Variants in TRDN observed in about 807,000 individuals in gnomAD.
TRDN encodes triadin in skeletal muscle.
In TRDN, 161 loss-of-function variants were observed where a neutral mutation model predicts 149.7. The ratio of observed to expected loss-of-function variants is 1.08; its 90% CI spans 0.95 to 1.23. The LOEUF is 1.23. Among genes scored for constraint, TRDN ranks in the 50% most tolerant of loss-of-function variants. The pLI, the probability that TRDN is intolerant of heterozygous loss-of-function variation, is 0.00. For missense variants in TRDN, 896 were observed against 823.5 expected, an observed-to-expected ratio of 1.09 and a Z score of -1.08; for synonymous variants, 294 against 250.5, an observed-to-expected ratio of 1.17 and a Z score of -1.64.
chr6:123,478,665 A>C (rs1253726378), intron 9 of TRDN, among the ~76,000 whole-genome samples: 1 of 152,190 alleles, frequency 6.6e-6, no homozygotes, highest in African/African-American at 2.4e-5. Flanking sequence ...TAAAAATAAT[A>C]AATCTATTTA....
At chr6:123,602,581 A>G (rs1176833186) in intron 1 of TRDN, among the ~76,000 whole-genome samples, 2 of 152,080 alleles carry the variant, frequency 1.3e-5, no homozygotes, top group Admixed American at 6.6e-5. Context: ...TTATTGAAAT[A>G]AAACTAAAAA....
At chr6:123,225,323 G>T (rs1775314270) in intron 38 of TRDN, among the ~76,000 whole-genome samples, 1 of 151,554 alleles carries the variant, frequency 6.6e-6, no homozygotes, top group Admixed American at 6.6e-5. Flanking sequence ...GCAGTATGGA[G>T]GTTCCTCAAA....
chr6:123,352,648 A>C (rs1478400246), intron 20 of TRDN, 62 bp from the exon 21 acceptor site: 1 of 1,552,098 alleles, frequency 6.4e-7, no homozygotes, highest in Non-Finnish European at 8.6e-7. Context: ...TCTGCTCAAA[A>C]AAAGCATTTT....
At chr6:123,339,250 T>A in intron 21 of TRDN, among the ~76,000 whole-genome samples, 1 of 151,912 alleles carries the variant, frequency 6.6e-6, no homozygotes, top group East Asian at 1.9e-4. Flanking sequence ...AGTGATCTGC[T>A]GAACTCGGTC....
At chr6:123,555,545 G>A (rs1772237127) in intron 2 of TRDN, among the ~76,000 whole-genome samples, 2 of 152,020 alleles carry the variant, frequency 1.3e-5, no homozygotes, top group African/African-American at 4.8e-5. Flanking sequence ...AATGCAGGAA[G>A]GATGGCTATA....
intron 4 of TRDN, among the ~76,000 whole-genome samples, chr6:123,540,896 T>C (rs1218032140): frequency 1.3e-5 from 2 of 152,220 alleles, no homozygotes; most frequent in Non-Finnish European, 2.9e-5. Context: ...TTGAGAACCA[T>C]TGGTAAGCTT....
intron 38 of TRDN, among the ~76,000 whole-genome samples, chr6:123,226,870 G>T (rs1274776612): frequency 6.6e-6 from 1 of 151,802 alleles, no homozygotes; most frequent in Admixed American, 6.6e-5. Flanking sequence ...TGCTTTGTCG[G>T]ACTGTCAGGA....
chr6:123,431,976 T>C (rs1562309914), intron 12 of TRDN, among the ~76,000 whole-genome samples: 1 of 152,050 alleles, frequency 6.6e-6, no homozygotes, highest in Admixed American at 6.6e-5. Flanking sequence ...TAGCCAAAGG[T>C]TTTAGTTTGT....
At chr6:123,308,979 A>G (rs1009360416) in intron 24 of TRDN, among the ~76,000 whole-genome samples, 2 of 152,054 alleles carry the variant, frequency 1.3e-5, no homozygotes, top group African/African-American at 4.8e-5. Context: ...ATCAATGTTA[A>G]TTAATTTAAT....
At chr6:123,338,246 G>C (rs528318211) in intron 21 of TRDN, among the ~76,000 whole-genome samples, 1 of 152,180 alleles carries the variant, frequency 6.6e-6, no homozygotes, top group East Asian at 1.9e-4. Flanking sequence ...AAAGAAATTA[G>C]ACCCACAAAC....
At chr6:123,602,359 T>C (rs909251029) in intron 1 of TRDN, among the ~76,000 whole-genome samples, 1 of 151,980 alleles carries the variant, frequency 6.6e-6, no homozygotes, top group African/African-American at 2.4e-5. Flanking sequence ...TTCTCACTTA[T>C]AAGTGAGAGC....
chr6:123,325,881 A>T (rs1439731662), intron 23 of TRDN, among the ~76,000 whole-genome samples: 1 of 152,096 alleles, frequency 6.6e-6, no homozygotes, highest in Non-Finnish European at 1.5e-5. Context: ...CCTTCAATAA[A>T]TCATTGAGCT....
intron 5 of TRDN, among the ~76,000 whole-genome samples, chr6:123,528,527 A>T (rs546525075): frequency 6.6e-6 from 1 of 151,984 alleles, no homozygotes; most frequent in South Asian, 2.1e-4. Context: ...TAATCATCAC[A>T]GACTACTACT....
intron 10 of TRDN, among the ~76,000 whole-genome samples, chr6:123,446,074 A>G (rs1166982133): frequency 6.6e-6 from 1 of 151,762 alleles, no homozygotes. Flanking sequence ...TGATGAGTTC[A>G]TGTTCTTTGT....
chr6:123,263,816 AT>A (rs1232676615), intron 33 of TRDN, among the ~76,000 whole-genome samples: 1 of 152,020 alleles, frequency 6.6e-6, no homozygotes, highest in African/African-American at 2.4e-5. Context: ...CATTCTGAAA[AT>A]TTTAGGTCCC....
At chr6:123,401,140 T>G (rs1244226742) in intron 12 of TRDN, among the ~76,000 whole-genome samples, 3 of 152,234 alleles carry the variant, frequency 2.0e-5, no homozygotes, top group African/African-American at 7.2e-5. Context: ...GCAGACTTCT[T>G]GAGCCCTTTT....
chr6:123,539,500 A>AG (rs1274291805), intron 4 of TRDN, among the ~76,000 whole-genome samples: 1 of 152,236 alleles, frequency 6.6e-6, no homozygotes, highest in Non-Finnish European at 1.5e-5. Context: ...TTTGTTTTAC[A>AG]GGTGTGAGAA....
chr6:123,622,084 C>T (rs1785412946), intron 1 of TRDN, among the ~76,000 whole-genome samples: 1 of 152,046 alleles, frequency 6.6e-6, no homozygotes, highest in African/African-American at 2.4e-5. Flanking sequence ...CTTCCAACTC[C>T]TTAACCTCTT....
chr6:123,441,343 A>T (rs966345855), intron 10 of TRDN, among the ~76,000 whole-genome samples: 13 of 152,120 alleles, frequency 8.5e-5, no homozygotes, highest in African/African-American at 3.1e-4. Context: ...TTCCTCTTCC[A>T]TCTCTTTCTC....
Sources: gnomAD v4.1 joint callset for allele counts (sites outside exome capture counted in the v4.1 genomes callset) on GRCh38, gnomAD v4.1.1 for gene constraint, MANE v1.5 for transcripts, NCBI Gene and HGNC (gene_info 2026-07-23, HGNC 2026-07-21) for gene names.